The following KCNMA1 variants were observed in gnomAD, a reference collection of about 807,000 sequenced individuals.
The protein encoded by KCNMA1 is Calcium-activated potassium channel subunit alpha-1.
A neutral mutation model predicts 140.0 loss-of-function variants in KCNMA1; 29 were observed. That is an observed-to-expected ratio of 0.21 (90% CI 0.15 to 0.28). The LOEUF is 0.28. Among genes scored for constraint, KCNMA1 ranks in the 10% least tolerant of loss-of-function variants. The pLI, the probability that KCNMA1 is intolerant of heterozygous loss-of-function variation, is 1.00. For missense variants in KCNMA1, 880 were observed against 1,602.2 expected (o/e 0.55, Z 7.70); for synonymous variants, 612 against 611.9 (o/e 1.00, Z 0.00).
At chr10:77,276,444 G>T (rs976327429) in intron 2 of KCNMA1, among the ~76,000 whole-genome samples, 1 of 152,198 alleles carries the variant, frequency 6.6e-6, no homozygotes, top group Non-Finnish European at 1.5e-5. Flanking sequence ...CACAGAGAGG[G>T]GCTTGGCGTC....
At chr10:77,119,759 G>T (rs866509095) in intron 6 of KCNMA1, among the ~76,000 whole-genome samples, 7 of 152,238 alleles carry the variant, frequency 4.6e-5, no homozygotes, top group Non-Finnish European at 8.8e-5. Context: ...AACAGTAAAA[G>T]GCAGGAGGAC....
intron 14 of KCNMA1, among the ~76,000 whole-genome samples, chr10:77,070,593 T>A (rs1026364015): frequency 2.0e-5 from 3 of 152,050 alleles, no homozygotes; most frequent in Admixed American, 6.6e-5. Context: ...TATTGATGAA[T>A]TCTCCGTCAT....
intron 10 of KCNMA1, among the ~76,000 whole-genome samples, chr10:77,088,262 T>C (rs1021789548): frequency 2.0e-5 from 3 of 151,142 alleles, no homozygotes; most frequent in East Asian, 2.0e-4. Flanking sequence ...TGCCTGGCCA[T>C]GATGAGCATT....
At chr10:76,997,698 T>C (rs2084839617) in intron 19 of KCNMA1, among the ~76,000 whole-genome samples, 1 of 152,198 alleles carries the variant, frequency 6.6e-6, no homozygotes, top group Admixed American at 6.5e-5. Flanking sequence ...GGAATCTACT[T>C]CTATATTTAT....
intron 2 of KCNMA1, among the ~76,000 whole-genome samples, chr10:77,368,134 A>G (rs1317585297): frequency 1.3e-5 from 2 of 152,250 alleles, no homozygotes; most frequent in Non-Finnish European, 2.9e-5. Context: ...TTTCCTGAAT[A>G]GCAACATTGT....
intron 2 of KCNMA1, among the ~76,000 whole-genome samples, chr10:77,293,352 G>A (rs2154315648): frequency 6.6e-6 from 1 of 152,260 alleles, no homozygotes; most frequent in South Asian, 2.1e-4. Flanking sequence ...TGCACAACAA[G>A]AATGGGGGGG....
rs1453639301 is a variant in KCNMA1, at chr10:77,403,928, C to G, written c.474G>C (p.Trp158Cys). ...CCGCCCAGTCCTTCACGGAGGTCATCCAGCCGACCTCGGCGGCCACTGCCT... is the reference window on the plus strand; with the variant it reads ...CCGCCCAGTCCTTCACGGAGGTCATGCAGCCGACCTCGGCGGCCACTGCCT... Reference protein sequence around the residue: ...KEEAVAAEVGWMTSVKDWAGV... With the variant: ...KEEAVAAEVGCMTSVKDWAGV... The change falls in exon 2 of 28, where the codon TGG becomes TGC. Residue 158 changes from tryptophan (W) to cysteine (C), a missense_variant. By Grantham distance (215) the Trp-to-Cys change is radical. Transcript: ENST00000286628. 6.2e-7 allele frequency: 1 copy of G among 1,614,198 alleles called. No individual in the cohort carries two copies. Among genetic ancestry groups the G allele is most frequent in the Non-Finnish European group, 8.5e-7 (1 of 1,180,044 alleles).
At chr10:76,876,991 C>A (rs952324112), downstream of KCNMA1, 2 of 152,652 alleles carry the variant, frequency 1.3e-5, no homozygotes, top group Non-Finnish European at 2.9e-5. Flanking sequence ...GTGCCCACAA[C>A]CCTCCTGGTG....
intron 6 of KCNMA1, among the ~76,000 whole-genome samples, chr10:77,112,828 T>C (rs1007909049): frequency 4.7e-5 from 7 of 150,336 alleles, no homozygotes; most frequent in African/African-American, 1.5e-4. Flanking sequence ...TCTTCTCTTC[T>C]TCTTGCCATG....
intron 17 of KCNMA1, among the ~76,000 whole-genome samples, chr10:77,014,913 T>C (rs1209548950): frequency 3.9e-5 from 6 of 152,198 alleles, no homozygotes; most frequent in Admixed American, 6.5e-5. Context: ...CACCTGCACC[T>C]GAGCAACGGA....
At chr10:77,479,805 C>T (rs1277557015) in intron 1 of KCNMA1, among the ~76,000 whole-genome samples, 1 of 152,184 alleles carries the variant, frequency 6.6e-6, no homozygotes, top group Non-Finnish European at 1.5e-5. Context: ...GAATTGTTTC[C>T]CACGGGTCTT....
intron 2 of KCNMA1, chr10:77,350,383 C>G (rs1415779676): frequency 6.6e-6 from 1 of 152,180 alleles, no homozygotes; most frequent in Non-Finnish European, 1.5e-5. Context: ...GAATCTTGAG[C>G]CTGGGGTGTA....
At chr10:77,393,883 C>A (rs989524217) in intron 2 of KCNMA1, among the ~76,000 whole-genome samples, 2 of 152,248 alleles carry the variant, frequency 1.3e-5, no homozygotes, top group Non-Finnish European at 1.5e-5. Flanking sequence ...CGGACAGAGA[C>A]AAGACAGGAC....
rs569447032 is a variant in KCNMA1 at position 77,413,072 on chromosome 10, G to T, written c.379-9049C>A. Among the ~76,000 whole-genome samples, 5 of 152,088 alleles carry T rather than the reference G, an allele frequency of 3.3e-5. No homozygotes were observed. In the East Asian group the frequency reaches 7.8e-4, roughly 24 times the overall value. ...AGGGTTTCACCATGTTGGCCAGGCT[G>T]GTCTCAAACTTCTGACCTCAAGTGA... On this transcript the variant is annotated intron_variant, in intron 1 of 27. Coordinates refer to ENST00000286628, the MANE Select transcript of KCNMA1 (RefSeq NM_001161352.2).
chr10:76,897,360 T>G (rs2043027827), intron 25 of KCNMA1, among the ~76,000 whole-genome samples: 1 of 151,460 alleles, frequency 6.6e-6, no homozygotes, highest in African/African-American at 2.4e-5. Context: ...ATTCAAAATA[T>G]TAAATGGAGA....
intron 15 of KCNMA1, among the ~76,000 whole-genome samples, chr10:77,029,784 G>A (rs560782070): frequency 3.4e-4 from 51 of 152,206 alleles, no homozygotes; most frequent in Middle Eastern, 3.4e-3. Context: ...CCCTGAGGCA[G>A]GGAAGAGCTC....
chr10:77,416,879 A>G (rs1188593470), intron 1 of KCNMA1, among the ~76,000 whole-genome samples: 1 of 152,140 alleles, frequency 6.6e-6, no homozygotes, highest in African/African-American at 2.4e-5. Context: ...CTTCGCTCAT[A>G]TCTTCTGGAA....
chr10:77,222,781 GAAC>G (rs1344779860), intron 3 of KCNMA1, among the ~76,000 whole-genome samples: 1 of 152,148 alleles, frequency 6.6e-6, no homozygotes, highest in Non-Finnish European at 1.5e-5. Context: ...CCAGAAAAAA[GAAC>G]TTTAGCTTTA....
chr10:76,992,670 CA>C (rs1487084539), intron 19 of KCNMA1, among the ~76,000 whole-genome samples: 6 of 152,140 alleles, frequency 3.9e-5, no homozygotes, highest in African/African-American at 1.4e-4. Flanking sequence ...AGTGCTTTTC[CA>C]TGCAGTTTTA....
Sources: gnomAD v4.1 joint callset for allele counts (sites outside exome capture counted in the v4.1 genomes callset) on GRCh38, gnomAD v4.1.1 for gene constraint, MANE v1.5 for transcripts, NCBI Gene and HGNC (gene_info 2026-07-23, HGNC 2026-07-21) for gene names.